Variants in UTRN observed in about 807,000 individuals in gnomAD.
The protein encoded by UTRN is utrophin, also known as dystrophin-related protein 1.
UTRN carries 283 observed loss-of-function variants against 463.9 expected under a neutral mutation model. The observed-to-expected ratio is 0.61, with a 90% CI of 0.55 to 0.67. UTRN has a LOEUF of 0.67. Ranked by LOEUF, UTRN falls within the 30% of genes least tolerant of loss-of-function variation. The probability of loss-of-function intolerance (pLI) is 0.00; values close to 1 mark genes in which losing one functional copy is unlikely to be tolerated. For synonymous variants in UTRN, 1,442 were observed against 1,431.5 expected (o/e 1.01, Z -0.17); for missense variants, 3,922 against 4,084.3 (o/e 0.96, Z 1.08).
rs1329287291 is a variant in UTRN, at chr6:144,793,848, G to T, written c.8935G>T (p.Val2979Phe). 1.2e-6 allele frequency: 2 copies of T among 1,614,012 alleles called. No individual in the cohort carries two copies. ...TCTCTTTGCAGATCTCTTTAAGGAAGTTGCAGGGCCAACAGAAATGTGTGA... is the reference window on the plus strand; with the variant it reads ...TCTCTTTGCAGATCTCTTTAAGGAATTTGCAGGGCCAACAGAAATGTGTGA... Reference protein sequence around the residue: ...EEKYRYLFKEVAGPTEMCDQR... With the variant: ...EEKYRYLFKEFAGPTEMCDQR... Residue 2979 changes from valine (V) to phenylalanine (F), a missense_variant, in exon 63 of 75, where the codon GTT (valine) becomes TTT (phenylalanine). Val to Phe is a conservative substitution (Grantham distance 50, BLOSUM62 -1). This residue lies in a region of UTRN where 1,309 missense variants were observed against 1,452.6 expected (regional missense o/e 0.90). Transcript: ENST00000367545.
chr6:144,793,495 A>C (rs1302919536), intron 62 of UTRN, among the ~76,000 whole-genome samples: 1 of 152,180 alleles, frequency 6.6e-6, no homozygotes, highest in Non-Finnish European at 1.5e-5. Context: ...TGAAGATCAT[A>C]AAATTAATTC....
At chr6:144,407,268 AAATG>A (rs1486332042) in intron 3 of UTRN, among the ~76,000 whole-genome samples, 2 of 152,194 alleles carry the variant, frequency 1.3e-5, no homozygotes, top group African/African-American at 4.8e-5. Flanking sequence ...CTTAATAAAT[AAATG>A]AATGACAATG....
rs1265746823 is a variant in UTRN, at chr6:144,285,642, A to T, written c.-272A>T. On this transcript the variant is annotated 5_prime_UTR_variant, in exon 1 of 75. Transcript: ENST00000367545. ...TTTCTCTTTCTTTCTTTCTTTTTTTAAAATTTCGGTTCGTGTCTGCTTCTC... is the reference window on the plus strand; with the variant it reads ...TTTCTCTTTCTTTCTTTCTTTTTTTTAAATTTCGGTTCGTGTCTGCTTCTC... 2.6e-5 allele frequency: 4 copies of T among 151,924 alleles called. No individual in the cohort carries two copies. Among genetic ancestry groups the T allele is most frequent in the African/African-American group, 9.7e-5 (4 of 41,346 alleles). The allele number at this position is 151,924 out of a possible 1,614,324, so 9.4% of individuals were successfully genotyped here. A position where few individuals can be genotyped will look rare whatever the true frequency, so the allele number is the denominator to read the frequency against.
chr6:144,580,000 T>C (rs971773643), intron 51 of UTRN, among the ~76,000 whole-genome samples: 3 of 152,230 alleles, frequency 2.0e-5, no homozygotes, highest in African/African-American at 7.2e-5. Flanking sequence ...ACCTTATAGA[T>C]AGAAGATTGT....
chr6:144,721,981 T>A (rs1224224732), intron 53 of UTRN, among the ~76,000 whole-genome samples: 1 of 152,196 alleles, frequency 6.6e-6, no homozygotes, highest in Non-Finnish European at 1.5e-5. Flanking sequence ...ACCTGTAGAA[T>A]GCAAAATACA....
chr6:144,303,782 A>C (rs1805494807), intron 2 of UTRN, among the ~76,000 whole-genome samples: 1 of 152,188 alleles, frequency 6.6e-6, no homozygotes, highest in Non-Finnish European at 1.5e-5. Context: ...TGAAGGTAAA[A>C]CTCTTGCACA....
chr6:144,381,167 TC>T (rs1780880142), intron 2 of UTRN, among the ~76,000 whole-genome samples: 2 of 152,008 alleles, frequency 1.3e-5, no homozygotes, highest in Non-Finnish European at 2.9e-5. Context: ...ATCGTTTCCC[TC>T]CCCCCAACCT....
rs547400118 is a variant in UTRN at position 144,475,868 on chromosome 6, G to A, written c.3336+1109G>A. Among the ~76,000 whole-genome samples, 7 of 152,108 alleles carry A rather than the reference G, an allele frequency of 4.6e-5. No homozygotes were observed. In the East Asian group the frequency reaches 7.8e-4, roughly 17 times the overall value. ...AGGTGGGTGGATTGCCTGAGCTCAG[G>A]AGTTTGAGACCAGCCTGGGCAACAT... On this transcript the variant is annotated intron_variant, in intron 25 of 74. Coordinates refer to ENST00000367545, the MANE Select transcript of UTRN (RefSeq NM_007124.3).
intron 41 of UTRN, 88 bp from the exon 42 acceptor site, chr6:144,530,964 T>C (rs534392691): frequency 7.1e-7 from 1 of 1,417,178 alleles, no homozygotes; most frequent in Admixed American, 2.4e-5. Flanking sequence ...TCTGTTTAAA[T>C]GAAATTTGAT....
chr6:144,290,649 A>G (rs1804140317), intron 1 of UTRN, among the ~76,000 whole-genome samples: 1 of 151,792 alleles, frequency 6.6e-6, no homozygotes, highest in Non-Finnish European at 1.5e-5. Flanking sequence ...CAGCATTCAT[A>G]TACCCATGAG....
intron 41 of UTRN, 150 bp from the exon 42 acceptor site, chr6:144,530,902 G>A (rs2128601570): frequency 6.2e-6 from 5 of 812,606 alleles, no homozygotes; most frequent in East Asian, 2.7e-5. Context: ...ATCCCACTAC[G>A]AAAATTGGTT....
At chr6:144,698,425 C>CT (rs925855443) in intron 52 of UTRN, among the ~76,000 whole-genome samples, 31 of 152,340 alleles carry the variant, frequency 2.0e-4, no homozygotes, top group Non-Finnish European at 3.7e-4. Flanking sequence ...TGTATTTAAA[C>CT]TTTTTTTATT....
chr6:144,715,624 A>C (rs1358870527), intron 53 of UTRN, among the ~76,000 whole-genome samples: 3 of 150,962 alleles, frequency 2.0e-5, no homozygotes, highest in South Asian at 4.2e-4. Flanking sequence ...CCCCTTCTTT[A>C]CTCAACTTCT....
At chr6:144,502,985 A>C (rs993574732) in intron 34 of UTRN, among the ~76,000 whole-genome samples, 4 of 152,062 alleles carry the variant, frequency 2.6e-5, no homozygotes, top group Non-Finnish European at 4.4e-5. Context: ...TTTGATTTGC[A>C]TTTCTGTAAT....
At chr6:144,427,127 T>G (rs1785365728) in intron 7 of UTRN, among the ~76,000 whole-genome samples, 1 of 152,196 alleles carries the variant, frequency 6.6e-6, no homozygotes, top group Admixed American at 6.5e-5. Context: ...AATTGCTCCA[T>G]TACACAGGAA....
intron 54 of UTRN, among the ~76,000 whole-genome samples, chr6:144,732,787 A>G (rs917391699): frequency 5.9e-5 from 9 of 152,016 alleles, no homozygotes; most frequent in African/African-American, 2.2e-4. Flanking sequence ...ATCACGGCCC[A>G]CTGCACATCA....
At chr6:144,755,209 A>C (rs1339184396) in intron 57 of UTRN, among the ~76,000 whole-genome samples, 1 of 152,186 alleles carries the variant, frequency 6.6e-6, no homozygotes, top group Non-Finnish European at 1.5e-5. Flanking sequence ...AAGTAAAAAA[A>C]ATCACTCCCC....
chr6:144,557,079 G>T, intron 49 of UTRN, 78 bp from the exon 50 acceptor site: 2 of 1,501,984 alleles, frequency 1.3e-6, no homozygotes, highest in Non-Finnish European at 9.0e-7. Flanking sequence ...GTCAAAATCT[G>T]CTGGGAGTAC....
At chr6:144,669,642 A>C (rs532589831) in intron 51 of UTRN, among the ~76,000 whole-genome samples, 2 of 152,222 alleles carry the variant, frequency 1.3e-5, no homozygotes, top group East Asian at 3.9e-4. Flanking sequence ...TTACATCCAT[A>C]AATTCTTTAG....
Sources: allele counts gnomAD v4.1 joint callset (sites outside exome capture counted in the v4.1 genomes callset), GRCh38; gene constraint gnomAD v4.1.1; regional missense constraint gnomAD v4.1.1; transcripts MANE v1.5; gene names NCBI Gene and HGNC (gene_info 2026-07-23, HGNC 2026-07-21).